CACNA2D3: variants seen among roughly 807,000 people sequenced by gnomAD.
The protein encoded by CACNA2D3 is calcium voltage-gated channel auxiliary subunit alpha2delta 3, also known as voltage-dependent calcium channel subunit alpha-2/delta-3.
CACNA2D3 carries 60 observed loss-of-function variants against 160.6 expected under a neutral mutation model. That is an observed-to-expected ratio of 0.37 (90% CI 0.30 to 0.46). The LOEUF is 0.46. Among genes scored for constraint, CACNA2D3 ranks in the 20% least tolerant of loss-of-function variants. CACNA2D3 has a pLI of 1.00. For synonymous variants in CACNA2D3, 558 were observed against 492.9 expected (o/e 1.13, Z -1.75); for missense variants, 1,205 against 1,365.0 (o/e 0.88, Z 1.85).
chr3:54,142,181 C>T (rs1162440351), intron 2 of CACNA2D3, among the ~76,000 whole-genome samples: 2 of 152,154 alleles, frequency 1.3e-5, no homozygotes, highest in Non-Finnish European at 2.9e-5. Flanking sequence ...CTTTCCTGTC[C>T]TGGTCCAGCG....
chr3:54,994,509 A>G (rs1702814076), intron 31 of CACNA2D3, among the ~76,000 whole-genome samples: 1 of 152,188 alleles, frequency 6.6e-6, no homozygotes, highest in African/African-American at 2.4e-5. Flanking sequence ...GAAGGCAGAG[A>G]CATGGAGCTT....
intron 2 of CACNA2D3, among the ~76,000 whole-genome samples, chr3:54,132,516 C>A (rs1433965202): frequency 6.6e-6 from 1 of 152,134 alleles, no homozygotes; most frequent in Non-Finnish European, 1.5e-5. Flanking sequence ...GGAGAGGGCT[C>A]ACAGCTCACT....
At chr3:54,814,872 T>C (rs7637469) in intron 13 of CACNA2D3, among the ~76,000 whole-genome samples, 3 of 151,960 alleles carry the variant, frequency 2.0e-5, no homozygotes, top group Non-Finnish European at 4.4e-5. Flanking sequence ...TCCAGCAGTT[T>C]GTGCAGGGCT....
intron 12 of CACNA2D3, among the ~76,000 whole-genome samples, chr3:54,763,798 T>TATATATACGTATATATACGTACATATAC (rs1702148402): frequency 3.7e-5 from 1 of 26,922 alleles, no homozygotes; most frequent in African/African-American, 1.5e-4. Context: ...TGTATATATA[T>TATATATACGTATATATACGTACATATAC]GTACATATAT....
rs377581867 is a variant in CACNA2D3 at position 54,134,921 on chromosome 3, A to G, written c.204+11327A>G. ...GAGCACCGCAGTGCAGGGCGGGTGC[A>G]CGAGGAGCACCAAGCGAGACTGATG... On this transcript the variant is annotated intron_variant, in intron 2 of 37. Transcript: ENST00000474759. Among the ~76,000 whole-genome samples the G allele has an allele frequency of 2.9e-4, 44 of 152,382 alleles. 2 individuals carry two copies. In the South Asian group the frequency reaches 9.1e-3, roughly 32 times the overall value.
intron 2 of CACNA2D3, among the ~76,000 whole-genome samples, chr3:54,169,747 ATGTGTGTGTGTTTGTG>A (rs1456036497): frequency 6.6e-6 from 1 of 151,092 alleles, no homozygotes; most frequent in Admixed American, 6.6e-5. Flanking sequence ...GCGAGTGTGC[ATGTGTGTGTGTTTGTG>A]TGTGTGTGTG....
At chr3:54,710,259 C>A (rs1344810029) in intron 11 of CACNA2D3, among the ~76,000 whole-genome samples, 1 of 152,130 alleles carries the variant, frequency 6.6e-6, no homozygotes, top group African/African-American at 2.4e-5. Flanking sequence ...AAATCAATGT[C>A]TTGAAGAAAT....
chr3:54,912,658 C>T (rs1700583434), intron 27 of CACNA2D3, among the ~76,000 whole-genome samples: 1 of 152,058 alleles, frequency 6.6e-6, no homozygotes, highest in Admixed American at 6.6e-5. Context: ...AAAATAAAAA[C>T]TCTTCCTCTT....
chr3:54,705,914 T>C (rs2106955192), intron 11 of CACNA2D3, among the ~76,000 whole-genome samples: 1 of 152,288 alleles, frequency 6.6e-6, no homozygotes, highest in Middle Eastern at 3.4e-3. Flanking sequence ...CATAAAGTGA[T>C]GATGGAGATG....
At chr3:54,416,136 C>T (rs1699750409) in intron 4 of CACNA2D3, among the ~76,000 whole-genome samples, 1 of 152,184 alleles carries the variant, frequency 6.6e-6, no homozygotes. Flanking sequence ...CTATTCTCCA[C>T]ATAGCACGTG....
At chr3:54,929,587 A>G (rs900078105) in intron 27 of CACNA2D3, among the ~76,000 whole-genome samples, 1 of 152,138 alleles carries the variant, frequency 6.6e-6, no homozygotes, top group African/African-American at 2.4e-5. Flanking sequence ...TGCCTCTTCC[A>G]GAAAGCCCAC....
chr3:54,206,019 A>T (rs1405768922), intron 2 of CACNA2D3, among the ~76,000 whole-genome samples: 1 of 152,164 alleles, frequency 6.6e-6, no homozygotes, highest in African/African-American at 2.4e-5. Context: ...TGGTTGCTTA[A>T]TCGATTTGGC....
intron 2 of CACNA2D3, among the ~76,000 whole-genome samples, chr3:54,153,250 A>T (rs1293202855): frequency 6.6e-6 from 1 of 152,240 alleles, no homozygotes; most frequent in African/African-American, 2.4e-5. Context: ...ATCATATGTG[A>T]AAGCTCTGAC....
chr3:54,780,493 G>A (rs1414246655), intron 13 of CACNA2D3, among the ~76,000 whole-genome samples: 1 of 152,226 alleles, frequency 6.6e-6, no homozygotes, highest in Non-Finnish European at 1.5e-5. Context: ...TTATGGGGAA[G>A]TGTGGAATGT....
At chr3:54,273,713 C>G (rs951581495) in intron 2 of CACNA2D3, among the ~76,000 whole-genome samples, 3 of 152,174 alleles carry the variant, frequency 2.0e-5, no homozygotes, top group Non-Finnish European at 4.4e-5. Flanking sequence ...ATCTGGCGAC[C>G]GTTCTCGGAG....
intron 2 of CACNA2D3, among the ~76,000 whole-genome samples, chr3:54,170,273 A>G (rs539454219): frequency 1.3e-5 from 2 of 151,778 alleles, no homozygotes; most frequent in Non-Finnish European, 2.9e-5. Context: ...CGGTTCTGCC[A>G]AGAGACCCAG....
chr3:54,661,846 A>ATGTGTGTGTG (rs869104703), intron 11 of CACNA2D3, among the ~76,000 whole-genome samples: 90 of 16,440 alleles, frequency 5.5e-3, no homozygotes, highest in African/African-American at 0.03. Flanking sequence ...GGATGTGTGT[A>ATGTGTGTGTG]TGTGTGTGTG....
chr3:54,834,509 C>T (rs1698625895), intron 14 of CACNA2D3, among the ~76,000 whole-genome samples: 2 of 152,098 alleles, frequency 1.3e-5, no homozygotes, highest in South Asian at 2.1e-4. Flanking sequence ...ACCATGTTTC[C>T]AAAAACTATT....
intron 5 of CACNA2D3, among the ~76,000 whole-genome samples, chr3:54,511,977 A>G (rs1399461342): frequency 1.3e-5 from 2 of 152,202 alleles, no homozygotes; most frequent in Non-Finnish European, 2.9e-5. Flanking sequence ...GTGGCAGTCA[A>G]GTATGTTCCA....
Sources: allele counts gnomAD v4.1 joint callset (sites outside exome capture counted in the v4.1 genomes callset), GRCh38; gene constraint gnomAD v4.1.1; transcripts MANE v1.5; gene names NCBI Gene and HGNC (gene_info 2026-07-23, HGNC 2026-07-21).